NRG1: variants seen among roughly 807,000 people sequenced by gnomAD.
The protein encoded by NRG1 is neuregulin 1.
A neutral mutation model predicts 63.8 loss-of-function variants in NRG1; 18 were observed. The observed-to-expected ratio is 0.28, with a 90% CI of 0.19 to 0.42. The LOEUF (loss-of-function observed/expected upper bound fraction) is 0.42, where lower values mean the gene tolerates loss of function less well. Among genes scored for constraint, NRG1 ranks in the 10% least tolerant of loss-of-function variants. The probability of loss-of-function intolerance (pLI) is 1.00; values close to 1 mark genes in which losing one functional copy is unlikely to be tolerated. For missense variants in NRG1, 762 were observed against 814.7 expected (o/e 0.94, Z 0.79); for synonymous variants, 302 against 301.3 (o/e 1.00, Z -0.02).
chr8:32,281,986 GCTTTAAGCTTCAAGTCAAGAAAAACAA>G (rs1458174970), intron 1 of NRG1, among the ~76,000 whole-genome samples: 41 of 152,170 alleles, frequency 2.7e-4, no homozygotes, highest in Admixed American at 2.6e-3. Flanking sequence ...ACATTCTGAG[GCTTTAAGCTTCAAGTCAAGAAAAACAA>G]CTGCCTTTCT....
chr8:32,488,345 C>A (rs191372854), intron 1 of NRG1, among the ~76,000 whole-genome samples: 1 of 152,152 alleles, frequency 6.6e-6, no homozygotes, highest in Non-Finnish European at 1.5e-5. Context: ...TCATGGAAGA[C>A]TGGGAAGGTG....
intron 1 of NRG1, among the ~76,000 whole-genome samples, chr8:32,092,310 A>G (rs1829279580): frequency 6.6e-6 from 1 of 151,738 alleles, no homozygotes. Flanking sequence ...AGAAAAACTT[A>G]GCTGGGCCTG....
intron 1 of NRG1, among the ~76,000 whole-genome samples, chr8:31,818,500 G>C (rs1823669140): frequency 6.6e-6 from 1 of 152,158 alleles, no homozygotes; most frequent in South Asian, 2.1e-4. Context: ...AGATGGTTTA[G>C]GGATGAAACC....
intron 5 of NRG1, among the ~76,000 whole-genome samples, chr8:32,711,782 A>G (rs1300598295): frequency 1.3e-5 from 2 of 152,134 alleles, no homozygotes; most frequent in Non-Finnish European, 2.9e-5. Flanking sequence ...TGCCCAGTAG[A>G]AATGGTAGTT....
chr8:31,851,562 T>G lies in NRG1; in HGVS notation c.37+212131T>G, dbSNP rs138066293. Among the ~76,000 whole-genome samples the G allele has an allele frequency of 2.9e-3, 447 of 152,302 alleles. 2 individuals carry two copies. In the Middle Eastern group the frequency reaches 0.041, roughly 14 times the overall value. Reference sequence around the variant, plus strand: ...AAAGTAATTGCAGTTTTTGCATTGTTGAAATTTGCCATTTGATATGGGAAT... The same window carrying G: ...AAAGTAATTGCAGTTTTTGCATTGTGGAAATTTGCCATTTGATATGGGAAT... On this transcript the variant is annotated intron_variant, in intron 1 of 10. Transcript: ENST00000519301.
chr8:31,930,685 T>A (rs181269945), intron 1 of NRG1, among the ~76,000 whole-genome samples: 1 of 152,336 alleles, frequency 6.6e-6, no homozygotes, highest in Admixed American at 6.5e-5. Context: ...TGAAGACAAC[T>A]TGCTATGTAA....
chr8:31,957,268 A>G (rs1359619558), intron 1 of NRG1, among the ~76,000 whole-genome samples: 1 of 151,802 alleles, frequency 6.6e-6, no homozygotes, highest in East Asian at 1.9e-4. Flanking sequence ...CCTAGAAGCA[A>G]TTTTTACTGT....
chr8:31,722,911 GTAAAC>G (rs1295905559), intron 1 of NRG1, among the ~76,000 whole-genome samples: 4 of 152,188 alleles, frequency 2.6e-5, no homozygotes, highest in Middle Eastern at 3.4e-3. Flanking sequence ...CAGCTTAAAT[GTAAAC>G]TATTTTGGTG....
At chr8:32,084,773 G>A (rs1827974832) in intron 1 of NRG1, among the ~76,000 whole-genome samples, 1 of 152,112 alleles carries the variant, frequency 6.6e-6, no homozygotes. Context: ...GTAGCTGGTG[G>A]GGTAGTGACA....
chr8:31,882,508 A>C (rs538621460), intron 1 of NRG1, among the ~76,000 whole-genome samples: 1 of 152,068 alleles, frequency 6.6e-6, no homozygotes, highest in Non-Finnish European at 1.5e-5. Flanking sequence ...TCAACGTCTA[A>C]GTCTTGTTAT....
chr8:31,836,012 G>T (rs1039317406), intron 1 of NRG1, among the ~76,000 whole-genome samples: 6 of 152,126 alleles, frequency 3.9e-5, no homozygotes, highest in African/African-American at 1.4e-4. Context: ...ATGGCTGGTG[G>T]CTACCTTATT....
chr8:32,170,001 G>A (rs1169854593), intron 1 of NRG1, among the ~76,000 whole-genome samples: 2 of 152,168 alleles, frequency 1.3e-5, no homozygotes, highest in Non-Finnish European at 2.9e-5. Context: ...CACACAGGAA[G>A]AACACCATGT....
chr8:32,676,365 T>G (rs1437447662), intron 5 of NRG1, among the ~76,000 whole-genome samples: 2 of 152,192 alleles, frequency 1.3e-5, no homozygotes, highest in African/African-American at 4.8e-5. Flanking sequence ...GTGCAACATT[T>G]TGCTGTCTGG....
At chr8:32,711,379 A>G (rs2128983216) in intron 5 of NRG1, among the ~76,000 whole-genome samples, 1 of 152,250 alleles carries the variant, frequency 6.6e-6, no homozygotes, top group African/African-American at 2.4e-5. Flanking sequence ...ATGCTTTACT[A>G]TACAGATAAC....
intron 1 of NRG1, among the ~76,000 whole-genome samples, chr8:32,124,529 A>T (rs1833854134): frequency 6.6e-6 from 1 of 151,926 alleles, no homozygotes; most frequent in African/African-American, 2.4e-5. Context: ...TTCAAAAAAA[A>T]ATGTAGAAAC....
intron 1 of NRG1, among the ~76,000 whole-genome samples, chr8:32,493,960 A>G (rs1563541152): frequency 6.6e-6 from 1 of 152,316 alleles, no homozygotes; most frequent in Non-Finnish European, 1.5e-5. Flanking sequence ...AAATGGTAGC[A>G]TAATGAAAAA....
intron 1 of NRG1, among the ~76,000 whole-genome samples, chr8:32,032,437 C>A (rs899208656): frequency 6.6e-6 from 1 of 151,736 alleles, no homozygotes; most frequent in East Asian, 1.9e-4. Flanking sequence ...ATACTTTTTT[C>A]GTATTTTTAG....
At position 32,605,761 on chromosome 8, in the gene NRG1, C is replaced by T. The variant is rs528194135; in HGVS notation, c.400+78C>T. ...AACATGTGGTAAGACTCATAATAGA[C>T]TGGTGTGTTAAATCTCATTGTGAAC... On this transcript the variant is annotated intron_variant, in intron 3 of 11. Coordinates refer to ENST00000356819, the Ensembl canonical transcript of NRG1. 9.4e-6 allele frequency: 14 copies of T among 1,484,344 alleles called. No homozygotes were observed. In the East Asian group the frequency reaches 2.8e-4, roughly 29 times the overall value. The allele number at this position is 1,484,344 out of a possible 1,614,324, so 91.9% of individuals were successfully genotyped here.
At chr8:31,907,615 G>A (rs1412281001) in intron 1 of NRG1, among the ~76,000 whole-genome samples, 1 of 152,110 alleles carries the variant, frequency 6.6e-6, no homozygotes, top group Non-Finnish European at 1.5e-5. Flanking sequence ...CTTGTTAATA[G>A]TGAATAGGTT....
Sources: allele counts gnomAD v4.1 joint callset (sites outside exome capture counted in the v4.1 genomes callset), GRCh38; gene constraint gnomAD v4.1.1; transcripts MANE v1.5; gene names NCBI Gene and HGNC (gene_info 2026-07-23, HGNC 2026-07-21).